FGF12: variants seen among roughly 807,000 people sequenced by gnomAD.
FGF12 encodes the protein fibroblast growth factor 12, also known as fibroblast growth factor 12B.
A neutral mutation model predicts 23.6 loss-of-function variants in FGF12; 14 were observed. The observed-to-expected ratio is 0.59, with a 90% CI of 0.39 to 0.93. The LOEUF (loss-of-function observed/expected upper bound fraction) is 0.93, where lower values mean the gene tolerates loss of function less well. Ranked by LOEUF, FGF12 falls within the 40% of genes least tolerant of loss-of-function variation. The probability of loss-of-function intolerance (pLI) is 0.00; values close to 1 mark genes in which losing one functional copy is unlikely to be tolerated. For synonymous variants in FGF12, 62 were observed against 77.3 expected (o/e 0.80, Z 1.04); for missense variants, 175 against 217.8 (o/e 0.80, Z 1.24).
At chr3:192,697,457 G>T (rs1463437571) in intron 2 of FGF12, among the ~76,000 whole-genome samples, 1 of 152,064 alleles carries the variant, frequency 6.6e-6, no homozygotes. Context: ...GATATACAAG[G>T]GCACTCACTG....
intron 2 of FGF12, among the ~76,000 whole-genome samples, chr3:192,390,989 G>T (rs1010339567): frequency 6.6e-6 from 1 of 152,182 alleles, no homozygotes; most frequent in African/African-American, 2.4e-5. Context: ...TATCTAGCAC[G>T]TAGTTGAAAA....
At chr3:192,539,762 T>G (rs899128590) in intron 2 of FGF12, among the ~76,000 whole-genome samples, 1 of 152,118 alleles carries the variant, frequency 6.6e-6, no homozygotes, top group Non-Finnish European at 1.5e-5. Flanking sequence ...AAATTCACCA[T>G]TGAAGCCATC....
intron 4 of FGF12, among the ~76,000 whole-genome samples, chr3:192,318,961 G>A (rs1185714775): frequency 6.6e-6 from 1 of 151,420 alleles, no homozygotes; most frequent in Admixed American, 6.6e-5. Context: ...AGTCCTGAAG[G>A]GGGAAAAACA....
intron 3 of FGF12, among the ~76,000 whole-genome samples, chr3:192,342,167 G>A (rs1042365747): frequency 6.6e-6 from 1 of 152,128 alleles, no homozygotes; most frequent in Non-Finnish European, 1.5e-5. Context: ...GGTTTTAGAA[G>A]CTGTTATTCA....
chr3:192,659,267 C>A (rs551622847), intron 2 of FGF12, among the ~76,000 whole-genome samples: 23 of 152,202 alleles, frequency 1.5e-4, no homozygotes, highest in African/African-American at 5.3e-4. Flanking sequence ...CATTAAAATA[C>A]ACAAAAACAA....
intron 2 of FGF12, among the ~76,000 whole-genome samples, chr3:192,703,783 AT>A (rs2108732134): frequency 6.6e-6 from 1 of 152,332 alleles, no homozygotes; most frequent in Admixed American, 6.5e-5. Context: ...TGTTCTCATT[AT>A]AGTGAGAGAG....
At chr3:192,146,545 A>G (rs1713733046) in intron 5 of FGF12, among the ~76,000 whole-genome samples, 1 of 152,220 alleles carries the variant, frequency 6.6e-6, no homozygotes, top group African/African-American at 2.4e-5. Flanking sequence ...CTGGGATTAC[A>G]GGCATGAGCC....
chr3:192,502,993 T>C (rs1465432795), intron 2 of FGF12, among the ~76,000 whole-genome samples: 1 of 152,266 alleles, frequency 6.6e-6, no homozygotes, highest in Non-Finnish European at 1.5e-5. Flanking sequence ...ACCCACAGTC[T>C]GTTTTTTCTT....
At chr3:192,641,621 G>C (rs932379726) in intron 2 of FGF12, among the ~76,000 whole-genome samples, 2 of 150,578 alleles carry the variant, frequency 1.3e-5, no homozygotes, top group African/African-American at 4.9e-5. Flanking sequence ...GGTCAGGCTG[G>C]TCTTGAACTC....
At chr3:192,471,057 C>T (rs1025916677) in intron 2 of FGF12, among the ~76,000 whole-genome samples, 15 of 152,174 alleles carry the variant, frequency 9.9e-5, no homozygotes, top group African/African-American at 2.7e-4. Flanking sequence ...TTTTACTTTA[C>T]ATGATGACTT....
At chr3:192,664,375 G>A (rs1227013687) in intron 2 of FGF12, among the ~76,000 whole-genome samples, 3 of 151,898 alleles carry the variant, frequency 2.0e-5, no homozygotes, top group Admixed American at 2.0e-4. Context: ...GGACCTTGGC[G>A]CTTCTGATTT....
intron 4 of FGF12, among the ~76,000 whole-genome samples, chr3:192,203,303 T>A (rs1300146706): frequency 1.3e-5 from 2 of 152,304 alleles, no homozygotes; most frequent in Non-Finnish European, 1.5e-5. Flanking sequence ...AGCTTAATGA[T>A]CCTTCTAAAC....
At chr3:192,439,079 C>CTCAT in intron 2 of FGF12, among the ~76,000 whole-genome samples, 1 of 152,154 alleles carries the variant, frequency 6.6e-6, no homozygotes, top group Non-Finnish European at 1.5e-5. Context: ...GATCGACTGC[C>CTCAT]TTTTTCACAT....
rs770515002 is a variant in FGF12, at chr3:192,692,053, C to CAGAT, written c.13+35124_13+35127dup. On this transcript the variant is annotated intron_variant, in intron 2 of 5. Transcript: ENST00000445105. ...CTCTCAACAAAGTAAAGCCCAGGACCAGATGCCTTGATGGTTGAATTCTAC... is the reference window on the plus strand; with the variant it reads ...CTCTCAACAAAGTAAAGCCCAGGACCAGATAGATGCCTTGATGGTTGAATTCTAC... Among the ~76,000 whole-genome samples, 187 of 152,228 alleles carry CAGAT rather than the reference C, an allele frequency of 1.2e-3. 2 individuals carry two copies. The highest frequency in any genetic ancestry group is 1.8e-3 in the Non-Finnish European group (121 of 68,018).
At chr3:192,704,908 C>G (rs1189315556) in intron 2 of FGF12, among the ~76,000 whole-genome samples, 1 of 152,198 alleles carries the variant, frequency 6.6e-6, no homozygotes, top group East Asian at 1.9e-4. Flanking sequence ...CCTCATGAAC[C>G]ACCCTCTGCT....
chr3:192,415,776 A>ACACT (rs1048145236), intron 2 of FGF12, among the ~76,000 whole-genome samples: 18,102 of 140,908 alleles, frequency 0.13, 1,116 homozygotes, highest in South Asian at 0.2. Context: ...ACACACACAC[A>ACACT]CTCATGTTCA....
intron 4 of FGF12, among the ~76,000 whole-genome samples, chr3:192,279,425 T>C (rs1444570358): frequency 6.6e-6 from 1 of 152,094 alleles, no homozygotes; most frequent in African/African-American, 2.4e-5. Context: ...GCATTTCACA[T>C]ATTTATTTCA....
rs192820448 is a variant in FGF12 at position 192,621,428 on chromosome 3, G to A, written c.13+105753C>T. On this transcript the variant is annotated intron_variant, in intron 2 of 5. Transcript: ENST00000445105. ...AGAAAAAGCATGGGCTTTGAAGCCCGACAAGAGCCATTTGGAATTGAAGTT... is the reference window on the plus strand; with the variant it reads ...AGAAAAAGCATGGGCTTTGAAGCCCAACAAGAGCCATTTGGAATTGAAGTT... Among the ~76,000 whole-genome samples the A allele has an allele frequency of 6.5e-3, 993 of 152,130 alleles. 6 individuals are homozygous for A. Among genetic ancestry groups the A allele is most frequent in the Middle Eastern group, 0.027 (8 of 294 alleles).
intron 4 of FGF12, among the ~76,000 whole-genome samples, chr3:192,318,051 A>G (rs747097020): frequency 6.6e-6 from 1 of 152,228 alleles, no homozygotes; most frequent in Non-Finnish European, 1.5e-5. Flanking sequence ...CCCCTAATGC[A>G]GGTATGGCTG....
Sources: gnomAD v4.1 joint callset for allele counts (sites outside exome capture counted in the v4.1 genomes callset) on GRCh38, gnomAD v4.1.1 for gene constraint, MANE v1.5 for transcripts, NCBI Gene and HGNC (gene_info 2026-07-23, HGNC 2026-07-21) for gene names.